Variants in XIRP2 observed in about 807,000 individuals in gnomAD.
XIRP2 encodes xin actin binding repeat containing 2.
Under a neutral mutation model 277.0 loss-of-function variants are expected in XIRP2, and 236 were observed. The observed-to-expected ratio is 0.85, with a 90% CI of 0.77 to 0.95. The LOEUF (loss-of-function observed/expected upper bound fraction) is 0.95, where lower values mean the gene tolerates loss of function less well. XIRP2 is among the 40% of genes least tolerant of loss of function. XIRP2 has a pLI of 0.00. For missense variants in XIRP2, 4,640 were observed against 4,157.5 expected (o/e 1.12, Z -3.19); for synonymous variants, 1,490 against 1,416.5 (o/e 1.05, Z -1.17).
Position 167,063,490 on chromosome 2 carries a change from G to A in XIRP2, c.409-72419G>A, listed in dbSNP as rs149859173. ...CTTTGTACTTATTCTATCAATTAAT[G>A]AGAAGTGTTGAAATTCCCAGCTACA... is the stretch of plus-strand genomic sequence containing the variant. On this transcript the variant is annotated intron_variant, in intron 2 of 10. Transcript: ENST00000409195. Among the ~76,000 whole-genome samples, 260 of 152,010 alleles carry A rather than the reference G, an allele frequency of 1.7e-3. 1 individual carries two copies. The highest frequency in any genetic ancestry group is 0.014 in the Middle Eastern group (4 of 294).
chr2:167,157,257 C>T (rs75348876), intron 3 of XIRP2, among the ~76,000 whole-genome samples: 6,141 of 152,090 alleles, frequency 0.04, 129 homozygotes, highest in Non-Finnish European at 0.05. Flanking sequence ...CTCACATCCT[C>T]TCAATTTTCA....
At chr2:167,219,723 A>T (rs2105402254) in intron 5 of XIRP2, among the ~76,000 whole-genome samples, 1 of 152,328 alleles carries the variant, frequency 6.6e-6, no homozygotes, top group East Asian at 1.9e-4. Flanking sequence ...CATACTATGT[A>T]AACAGTACTG....
chr2:167,046,608 A>G (rs939261331), intron 2 of XIRP2, among the ~76,000 whole-genome samples: 3 of 152,008 alleles, frequency 2.0e-5, no homozygotes, highest in Non-Finnish European at 4.4e-5. Flanking sequence ...AAGGAATGAA[A>G]TAATGCCATT....
At chr2:166,969,601 C>T (rs887604077) in intron 2 of XIRP2, among the ~76,000 whole-genome samples, 1 of 151,758 alleles carries the variant, frequency 6.6e-6, no homozygotes, top group Non-Finnish European at 1.5e-5. Context: ...AATTTTAAGG[C>T]TTCATATATG....
At chr2:166,942,468 T>G (rs1025557770) in intron 2 of XIRP2, among the ~76,000 whole-genome samples, 15 of 152,232 alleles carry the variant, frequency 9.9e-5, no homozygotes, top group Admixed American at 2.0e-4. Flanking sequence ...TGAGGTCATT[T>G]GCAACTGCGG....
intron 4 of XIRP2, among the ~76,000 whole-genome samples, chr2:167,211,990 G>A (rs1178060686): frequency 1.3e-5 from 2 of 152,010 alleles, no homozygotes; most frequent in African/African-American, 4.8e-5. Context: ...AGAGAGAAAA[G>A]CCAAAAAAGG....
intron 3 of XIRP2, among the ~76,000 whole-genome samples, chr2:167,147,797 TC>T (rs1454085923): frequency 1.3e-5 from 2 of 152,200 alleles, no homozygotes; most frequent in African/African-American, 2.4e-5. Context: ...TAACGGCTCT[TC>T]CGAGTTCTGT....
At chr2:167,232,778 T>C (rs1694797567) in intron 5 of XIRP2, among the ~76,000 whole-genome samples, 1 of 151,856 alleles carries the variant, frequency 6.6e-6, no homozygotes. Flanking sequence ...AATGGATGCA[T>C]GAGAGGTCTA....
chr2:167,171,285 A>G (rs1692683311), intron 3 of XIRP2, among the ~76,000 whole-genome samples: 1 of 152,160 alleles, frequency 6.6e-6, no homozygotes, highest in South Asian at 2.1e-4. Context: ...ACATGTTTTT[A>G]GCATTATCAT....
intron 4 of XIRP2, among the ~76,000 whole-genome samples, chr2:167,213,435 A>G (rs546858738): frequency 6.6e-6 from 1 of 152,322 alleles, no homozygotes; most frequent in South Asian, 2.1e-4. Flanking sequence ...ATAAACCAAG[A>G]ACAGTTTTTT....
At chr2:167,219,619 A>G (rs936031149) in intron 5 of XIRP2, among the ~76,000 whole-genome samples, 5 of 152,170 alleles carry the variant, frequency 3.3e-5, no homozygotes, top group African/African-American at 9.7e-5. Context: ...CCTGTACTCC[A>G]GGCACTTTGT....
Position 166,956,373 on chromosome 2 carries a change from C to G in XIRP2, c.408+52483C>G, listed in dbSNP as rs565267005. The stretch of plus-strand genomic sequence containing the variant: ...AATTTGAACTATATCTTAGGAGGAC[C>G]TGGTGTCATTTAACTAAGTTGTGGT... On this transcript the variant is annotated intron_variant, in intron 2 of 10. Transcript: ENST00000409195. Among the ~76,000 whole-genome samples, 5 of 151,822 alleles carry G rather than the reference C, an allele frequency of 3.3e-5. No individual in the cohort carries two copies. In the South Asian group the frequency reaches 1.0e-3, roughly 31 times the overall value.
chr2:167,081,696 G>C (rs1047391888), intron 2 of XIRP2, among the ~76,000 whole-genome samples: 5 of 152,096 alleles, frequency 3.3e-5, no homozygotes, highest in Non-Finnish European at 7.3e-5. Flanking sequence ...TTTAAATATA[G>C]ATCCTTTAAC....
intron 2 of XIRP2, among the ~76,000 whole-genome samples, chr2:167,046,688 C>T (rs1029846344): frequency 6.6e-6 from 1 of 152,048 alleles, no homozygotes; most frequent in South Asian, 2.1e-4. Context: ...AAACCAAATA[C>T]TGCATGTTCC....
chr2:166,908,542 A>T (rs1252963350), intron 2 of XIRP2, among the ~76,000 whole-genome samples: 1 of 152,080 alleles, frequency 6.6e-6, no homozygotes, highest in African/African-American at 2.4e-5. Flanking sequence ...TAGATTGCAA[A>T]AATTTTCTCC....
chr2:167,197,356 A>G (rs1309020965), intron 3 of XIRP2, among the ~76,000 whole-genome samples: 1 of 152,256 alleles, frequency 6.6e-6, no homozygotes, highest in African/African-American at 2.4e-5. Flanking sequence ...AAAGACAAGC[A>G]TTAACTTTTG....
rs562460094 is a variant in XIRP2 at position 166,971,250 on chromosome 2, A to T, written c.408+67360A>T. Among the ~76,000 whole-genome samples the T allele has an allele frequency of 1.5e-4, 23 of 152,138 alleles. No homozygotes were observed. The Middle Eastern group carries it at 0.01, about 67-fold the overall frequency. On this transcript the variant is annotated intron_variant, in intron 2 of 10. Transcript: ENST00000409195. ...TGCTACATCAGGGCAGGAACTATGG[A>T]TGATTTTGCTAATTGCTTTCACAAC...
intron 3 of XIRP2, among the ~76,000 whole-genome samples, chr2:167,163,897 T>A (rs1264386920): frequency 6.6e-6 from 1 of 152,234 alleles, no homozygotes; most frequent in Non-Finnish European, 1.5e-5. Flanking sequence ...GTACCATTTT[T>A]TGAAAGGACT....
At chr2:166,934,092 G>A (rs955185213) in intron 2 of XIRP2, among the ~76,000 whole-genome samples, 2 of 151,160 alleles carry the variant, frequency 1.3e-5, no homozygotes, top group East Asian at 3.9e-4. Context: ...GTAAGGGTGG[G>A]GCCTTCTTCT....
Sources: gnomAD v4.1 joint callset for allele counts (sites outside exome capture counted in the v4.1 genomes callset) on GRCh38, gnomAD v4.1.1 for gene constraint, MANE v1.5 for transcripts, NCBI Gene and HGNC (gene_info 2026-07-23, HGNC 2026-07-21) for gene names.